Variants in BMPR2 observed in about 807,000 individuals in gnomAD.
BMPR2 encodes the protein bone morphogenetic protein receptor type-2.
In BMPR2, 29 loss-of-function variants were observed where a neutral mutation model predicts 100.8. That is an observed-to-expected ratio of 0.29 (90% CI 0.21 to 0.39). The LOEUF (loss-of-function observed/expected upper bound fraction) is 0.39. BMPR2 is among the 10% of genes least tolerant of loss of function. The pLI is 1.00. For synonymous variants in BMPR2, 382 were observed against 442.3 expected, an observed-to-expected ratio of 0.86 and a Z score of 1.71; for missense variants, 1,011 against 1,274.5, an observed-to-expected ratio of 0.79 and a Z score of 3.15.
At chr2:202,456,458 G>A (rs1692108497) in intron 1 of BMPR2, among the ~76,000 whole-genome samples, 1 of 151,028 alleles carries the variant, frequency 6.6e-6, no homozygotes, top group Non-Finnish European at 1.5e-5. Flanking sequence ...GATTACAGGC[G>A]CGAATCACTG....
At chr2:202,440,616 G>A (rs1320449357) in intron 1 of BMPR2, among the ~76,000 whole-genome samples, 3 of 150,628 alleles carry the variant, frequency 2.0e-5, no homozygotes, top group Admixed American at 2.0e-4. Flanking sequence ...CAAGGCAGGC[G>A]GCTGGGAGGT....
At chr2:202,450,196 C>G (rs1559042312) in intron 1 of BMPR2, among the ~76,000 whole-genome samples, 1 of 152,042 alleles carries the variant, frequency 6.6e-6, no homozygotes, top group Non-Finnish European at 1.5e-5. Flanking sequence ...TCAGGGATCC[C>G]CAACACAACA....
intron 3 of BMPR2, among the ~76,000 whole-genome samples, chr2:202,483,934 AAAAAG>A (rs1322916661): frequency 6.6e-6 from 1 of 152,164 alleles, no homozygotes; most frequent in Admixed American, 6.5e-5. Context: ...TCTGAAAAAT[AAAAAG>A]AAAAGTTAGC....
At chr2:202,547,707 C>G (rs994141170) in intron 10 of BMPR2, among the ~76,000 whole-genome samples, 1 of 143,218 alleles carries the variant, frequency 7.0e-6, no homozygotes, top group Non-Finnish European at 1.5e-5. Flanking sequence ...CGCTTGAGCC[C>G]GGGAGGCAGA....
chr2:202,510,681 ATTTG>A (rs886615384), intron 3 of BMPR2, among the ~76,000 whole-genome samples: 14 of 148,456 alleles, frequency 9.4e-5, no homozygotes, highest in South Asian at 2.1e-4. Flanking sequence ...TTTTTTGTTT[ATTTG>A]TTTGTTTGCT....
chr2:202,460,008 C>T (rs1294839274), intron 1 of BMPR2, among the ~76,000 whole-genome samples: 2 of 152,128 alleles, frequency 1.3e-5, no homozygotes, highest in Admixed American at 6.6e-5. Context: ...TATGAAAAAA[C>T]GGCTCAGTAT....
chr2:202,526,989 A>T (rs1419618986), intron 7 of BMPR2, among the ~76,000 whole-genome samples: 1 of 151,888 alleles, frequency 6.6e-6, no homozygotes, highest in Non-Finnish European at 1.5e-5. Context: ...TCAGCCTCCC[A>T]AGTAGCTGGG....
At chr2:202,559,361 T>C (rs1186363939) in intron 12 of BMPR2, among the ~76,000 whole-genome samples, 1 of 151,872 alleles carries the variant, frequency 6.6e-6, no homozygotes, top group African/African-American at 2.4e-5. Context: ...AATACAATAA[T>C]TAAGTACATT....
At chr2:202,457,559 T>G (rs201618503) in intron 1 of BMPR2, among the ~76,000 whole-genome samples, 5,002 of 88,738 alleles carry the variant, frequency 0.056, 92 homozygotes, top group Non-Finnish European at 0.064. Context: ...TATATATATA[T>G]ATAGAGAGAG....
At chr2:202,487,999 C>T (rs922460704) in intron 3 of BMPR2, among the ~76,000 whole-genome samples, 6 of 152,208 alleles carry the variant, frequency 3.9e-5, no homozygotes, top group South Asian at 2.1e-4. Context: ...CGTGAGCCTC[C>T]GCATGCCACT....
intron 10 of BMPR2, among the ~76,000 whole-genome samples, chr2:202,546,029 C>T (rs1434211414): frequency 6.6e-6 from 1 of 152,156 alleles, no homozygotes; most frequent in East Asian, 1.9e-4. Context: ...AAATATCTCT[C>T]GGCAACCCTA....
At chr2:202,425,477 T>C (rs1268906184) in intron 1 of BMPR2, among the ~76,000 whole-genome samples, 1 of 152,248 alleles carries the variant, frequency 6.6e-6, no homozygotes, top group East Asian at 1.9e-4. Context: ...GAGTATGTTA[T>C]AATCTGTTTA....
chr2:202,518,127 CTTTTTTTTT>C (rs35869694), intron 5 of BMPR2, among the ~76,000 whole-genome samples: 1 of 77,018 alleles, frequency 1.3e-5, no homozygotes, highest in African/African-American at 5.5e-5. Context: ...CGCCTGGCCT[CTTTTTTTTT>C]TTTTTTTTTT....
Position 202,513,726 on chromosome 2 carries a change from T to A in BMPR2, c.426T>A (p.Pro142=). 1 of 1,612,558 alleles carries A rather than the reference T, an allele frequency of 6.2e-7. No individual in the cohort carries two copies. The highest frequency in any genetic ancestry group is 1.1e-5 in the South Asian group (1 of 91,004). The change falls in exon 4 of 13, where the codon CCT becomes CCA. Residue 142 remains proline, a synonymous_variant. Transcript: ENST00000374580. ...PPPDTTPLSP[P]HSFNRDETII... is the part of the protein sequence containing the mutation. ...AAATTTGTTTTCTTTTAGGTCCACC[T>A]CATTCATTTAACCGAGATGAGACAA...
intron 1 of BMPR2, among the ~76,000 whole-genome samples, chr2:202,415,086 T>G (rs1488987029): frequency 6.6e-6 from 1 of 152,128 alleles, no homozygotes; most frequent in East Asian, 1.9e-4. Flanking sequence ...AAGAAAAGTT[T>G]AAAGTTAGTA....
chr2:202,503,634 G>T lies in BMPR2; in HGVS notation c.419-10085G>T, dbSNP rs896681770. Among the ~76,000 whole-genome samples, 7 of 152,178 alleles carry T rather than the reference G, an allele frequency of 4.6e-5. No homozygotes were observed. Among genetic ancestry groups the T allele is most frequent in the African/African-American group, 1.7e-4 (7 of 41,442 alleles). ...GGGCAGGGCTCGGGACCTGCAGCCC[G>T]CCATGCCTGAGCCTCCCACCCCCTC... On this transcript the variant is annotated intron_variant, in intron 3 of 12. Transcript: ENST00000374580. This position sits in a 1 kb window ranked among gnomAD's most constrained non-coding sequence, Gnocchi z 4.0.
chr2:202,496,974 G>T (rs1161742006), intron 3 of BMPR2, among the ~76,000 whole-genome samples: 1 of 152,256 alleles, frequency 6.6e-6, no homozygotes, highest in Non-Finnish European at 1.5e-5. Flanking sequence ...GTTCCGGGTG[G>T]GCATGGGCTT....
At chr2:202,433,074 T>G (rs1691539229) in intron 1 of BMPR2, among the ~76,000 whole-genome samples, 1 of 150,528 alleles carries the variant, frequency 6.6e-6, no homozygotes, top group African/African-American at 2.5e-5. Flanking sequence ...CTGAAAATCA[T>G]ATAGCCATCT....
chr2:202,508,410 C>T (rs1165635678), intron 3 of BMPR2, among the ~76,000 whole-genome samples: 1 of 152,124 alleles, frequency 6.6e-6, no homozygotes, highest in African/African-American at 2.4e-5. Flanking sequence ...ATTTCCTTAT[C>T]ACCAAGAAAA....
Sources: gnomAD v4.1 joint callset for allele counts (sites outside exome capture counted in the v4.1 genomes callset) on GRCh38, gnomAD v4.1.1 for gene constraint, Gnocchi (gnomAD v3.1) non-coding constraint, MANE v1.5 for transcripts, NCBI Gene and HGNC (gene_info 2026-07-23, HGNC 2026-07-21) for gene names.